The following ENOX2 variants were observed in gnomAD, a reference collection of about 807,000 sequenced individuals.
The protein encoded by ENOX2 is APK1 antigen.
Under a neutral mutation model 45.0 loss-of-function variants are expected in ENOX2, and 36 were observed. The ratio of observed to expected loss-of-function variants is 0.80; its 90% confidence interval spans 0.61 to 1.06. ENOX2 has a LOEUF of 1.06. Ranked by LOEUF, ENOX2 falls within the 50% of genes least tolerant of loss-of-function variation. ENOX2 has a pLI of 0.00. For missense variants in ENOX2, 423 were observed against 462.5 expected, an observed-to-expected ratio of 0.91 and a Z score of 0.78; for synonymous variants, 174 against 152.3, an observed-to-expected ratio of 1.14 and a Z score of -1.05.
chrX:130,649,043 C>CAAAAAAAAA (rs35154919), intron 10 of ENOX2, among the ~76,000 whole-genome samples: 2 of 6,799 alleles, frequency 2.9e-4, no homozygotes, highest in Non-Finnish European at 3.6e-4. Context: ...GACTCCATAT[C>CAAAAAAAAA]AAAAAAAAAA....
chrX:130,883,527 A>G (rs1280515354), intron 2 of ENOX2, among the ~76,000 whole-genome samples: 1 of 111,979 alleles, frequency 8.9e-6, no homozygotes, highest in African/African-American at 3.3e-5. Flanking sequence ...GCAGTATACT[A>G]TCCTACATAA....
intron 2 of ENOX2, among the ~76,000 whole-genome samples, chrX:130,894,407 T>C (rs1245712968): frequency 9.3e-6 from 1 of 107,969 alleles, no homozygotes; most frequent in Non-Finnish European, 1.9e-5. Flanking sequence ...ATGATGGTAT[T>C]GTAGCTATAT....
intron 3 of ENOX2, among the ~76,000 whole-genome samples, chrX:130,783,258 T>C (rs745584708): frequency 8.9e-6 from 1 of 112,347 alleles, no homozygotes; most frequent in South Asian, 3.8e-4. Flanking sequence ...AAGTGTTCTA[T>C]AATCCCTAAG....
chrX:130,658,680 C>A (rs1327713910), intron 9 of ENOX2, among the ~76,000 whole-genome samples: 1 of 111,987 alleles, frequency 8.9e-6, no homozygotes, highest in Non-Finnish European at 1.9e-5. Context: ...TGACTTCCTT[C>A]AGAAACAATT....
chrX:130,667,421 C>A, intron 8 of ENOX2, 109 bp downstream of exon 8: 1 of 656,430 alleles, frequency 1.5e-6, no homozygotes, highest in Non-Finnish European at 2.4e-6. Flanking sequence ...AAAAAGGGAG[C>A]CTTGAGCCTT....
chrX:130,850,208 TA>T (rs1188953730), intron 2 of ENOX2, among the ~76,000 whole-genome samples: 2 of 111,128 alleles, frequency 1.8e-5, no homozygotes, highest in East Asian at 5.7e-4. Context: ...ACAAAATAAA[TA>T]AAATGGGAAT....
chrX:130,694,381 G>A (rs910474345), intron 4 of ENOX2, among the ~76,000 whole-genome samples: 1 of 111,170 alleles, frequency 9.0e-6, no homozygotes, highest in Non-Finnish European at 1.9e-5. Flanking sequence ...GGCAACTGAT[G>A]CCACTACACT....
At chrX:130,719,899 A>G (rs2038431150) in intron 3 of ENOX2, among the ~76,000 whole-genome samples, 1 of 112,184 alleles carries the variant, frequency 8.9e-6, no homozygotes, top group South Asian at 3.7e-4. Flanking sequence ...AAACAATACT[A>G]TAATATGCAG....
At position 130,783,529 on chromosome X, in the gene ENOX2, C is replaced by T. The variant is rs1313347343; in HGVS notation, c.-39+18G>A. 1 of 329,662 alleles carries T rather than the reference C, an allele frequency of 3.0e-6. No homozygotes were observed. The highest frequency in any genetic ancestry group is 9.8e-5 in the East Asian group (1 of 10,233). 27.2% of individuals were successfully genotyped at this position (329,662 alleles called of 1,213,427 possible). A position where few individuals can be genotyped will look rare whatever the true frequency, so the allele number is the denominator to read the frequency against. ...ACTCTGGTACTGGCTTAAGACAGTG[C>T]ATTATCACCTAGCTTACCTGAAGGA... On this transcript the variant is annotated intron_variant, in intron 3 of 14. Transcript: ENST00000394363.
At chrX:130,727,591 G>A (rs1262414737) in intron 3 of ENOX2, among the ~76,000 whole-genome samples, 3 of 112,403 alleles carry the variant, frequency 2.7e-5, no homozygotes, top group Non-Finnish European at 5.6e-5. Flanking sequence ...ATTTTAGACA[G>A]TCTTCAAATG....
chrX:130,803,209 TTAAA>T (rs905150507), intron 2 of ENOX2, among the ~76,000 whole-genome samples: 3 of 112,190 alleles, frequency 2.7e-5, no homozygotes, highest in African/African-American at 6.5e-5. Flanking sequence ...CAAAACAGAA[TTAAA>T]TACTTTGTTT....
rs753190272 is a variant in ENOX2 at position 130,870,340 on chromosome X, C to T, written c.-183+31344G>A. On this transcript the variant is annotated intron_variant, in intron 2 of 14. Transcript: ENST00000394363. Reference sequence around the variant, plus strand: ...TTACAAAGAAAGCTATATCATCTTTCGTAAATTGAGCATTAAGGTATAAAA... The same window carrying T: ...TTACAAAGAAAGCTATATCATCTTTTGTAAATTGAGCATTAAGGTATAAAA... 1.1e-4 allele frequency among the ~76,000 whole-genome samples: 12 copies of T among 112,261 alleles called. No individual in the cohort carries two copies. In the South Asian group the frequency reaches 1.5e-3, roughly 14 times the overall value.
At chrX:130,749,450 A>T (rs2039164814) in intron 3 of ENOX2, among the ~76,000 whole-genome samples, 1 of 111,620 alleles carries the variant, frequency 9.0e-6, no homozygotes, top group African/African-American at 3.3e-5. Context: ...TCTGCAAACA[A>T]TGGACTTCTG....
chrX:130,766,468 T>C (rs1432025051), intron 3 of ENOX2, among the ~76,000 whole-genome samples: 1 of 112,464 alleles, frequency 8.9e-6, no homozygotes, highest in Middle Eastern at 4.6e-3. Context: ...CAGTTAAATG[T>C]ACCAATCTTT....
chrX:130,741,947 T>G (rs1251042262), intron 3 of ENOX2, among the ~76,000 whole-genome samples: 1 of 112,285 alleles, frequency 8.9e-6, no homozygotes, highest in Admixed American at 9.4e-5. Flanking sequence ...TGTTTTCAAA[T>G]AGCATTCAAA....
In ENOX2 at chrX:130,901,703, C is replaced by A. The variant is rs1430594678; in HGVS notation, c.-202G>T. On this transcript the variant is annotated 5_prime_UTR_variant, in exon 2 of 15. Transcript: ENST00000394363. ...ACATACCATCACACTTCTTTGTGTT[C>A]TCCAAGAATTGATCTCAAATCAGGT... 59 of 112,219 alleles carry A rather than the reference C, an allele frequency of 5.3e-4. 2 individuals carry two copies. 9.2% of individuals were successfully genotyped at this position (112,219 alleles called of 1,213,427 possible).
chrX:130,717,258 T>C (rs748039938), intron 3 of ENOX2, among the ~76,000 whole-genome samples: 3 of 112,122 alleles, frequency 2.7e-5, no homozygotes, highest in African/African-American at 6.5e-5. Flanking sequence ...CACCAGTTCA[T>C]TGCATTCTCT....
At chrX:130,628,929 T>A (rs189145195) in intron 13 of ENOX2, among the ~76,000 whole-genome samples, 1 of 111,090 alleles carries the variant, frequency 9.0e-6, no homozygotes, top group Non-Finnish European at 1.9e-5. Context: ...CCTCCTTTCA[T>A]AAGATCTTAA....
intron 10 of ENOX2, 59 bp from the exon 11 acceptor site, chrX:130,637,469 A>G (rs1046428163): frequency 1.1e-5 from 11 of 1,042,149 alleles, no homozygotes; most frequent in Non-Finnish European, 1.4e-5. Context: ...ATTCATCTGG[A>G]TATCACAAAA....
Sources: gnomAD v4.1 joint callset for allele counts (sites outside exome capture counted in the v4.1 genomes callset) on GRCh38, gnomAD v4.1.1 for gene constraint, MANE v1.5 for transcripts, NCBI Gene and HGNC (gene_info 2026-07-23, HGNC 2026-07-21) for gene names.